DYNC2H1: variants seen among roughly 807,000 people sequenced by gnomAD.
The protein encoded by DYNC2H1 is dynein cytoplasmic 2 heavy chain 1, also known as cytoplasmic dynein 2 heavy chain 1.
Under a neutral mutation model 570.0 loss-of-function variants are expected in DYNC2H1, and 410 were observed. That is an observed-to-expected ratio of 0.72 (90% CI 0.66 to 0.78). The LOEUF is 0.78. DYNC2H1 is among the 30% of genes least tolerant of loss of function. The probability of loss-of-function intolerance (pLI) is 0.00; values close to 1 mark genes in which losing one functional copy is unlikely to be tolerated. For missense variants in DYNC2H1, 4,865 were observed against 5,046.4 expected, an observed-to-expected ratio of 0.96 and a Z score of 1.09; for synonymous variants, 1,688 against 1,677.6, an observed-to-expected ratio of 1.01 and a Z score of -0.15.
intron 59 of DYNC2H1, among the ~76,000 whole-genome samples, chr11:103,229,176 G>A (rs954784399): frequency 6.6e-6 from 1 of 152,230 alleles, no homozygotes; most frequent in African/African-American, 2.4e-5. Flanking sequence ...TGTTGAGAAA[G>A]CAAGCGGACT....
At chr11:103,352,753 A>G (rs933948407) in intron 82 of DYNC2H1, among the ~76,000 whole-genome samples, 2 of 152,202 alleles carry the variant, frequency 1.3e-5, no homozygotes, top group Non-Finnish European at 2.9e-5. Context: ...TTCCTCAAAG[A>G]TCTAGAACCA....
In DYNC2H1 at chr11:103,243,794, A is replaced by T. The variant is rs374882415; in HGVS notation, c.9918+3A>T. On this transcript the variant is annotated splice_donor_region_variant and intron_variant, in intron 64 of 88. Coordinates refer to ENST00000375735, the MANE Select transcript of DYNC2H1 (RefSeq NM_001377.3). The surrounding 1 kb of genome is among the most constrained non-coding windows in gnomAD (Gnocchi z 4.8). ...GTTTAGAAGTTATCAATCAGCAGGT[A>T]TGTATTATTTATAATTTACATACCA... 1 of 1,570,022 alleles carries T rather than the reference A, an allele frequency of 6.4e-7. No individual in the cohort carries two copies. The highest frequency in any genetic ancestry group is 8.7e-7 in the Non-Finnish European group (1 of 1,154,132).
At chr11:103,321,829 T>A (rs1938218997) in intron 81 of DYNC2H1, among the ~76,000 whole-genome samples, 1 of 152,106 alleles carries the variant, frequency 6.6e-6, no homozygotes. Context: ...TTTTGATTTA[T>A]TTTGCCATAA....
rs181164274 is a variant in DYNC2H1 at position 103,169,085 on chromosome 11, G to A, written c.4968+125G>A. 9.4e-4 allele frequency: 853 copies of A among 906,686 alleles called. 1 individual carries two copies. Among genetic ancestry groups the A allele is most frequent in the Non-Finnish European group, 1.2e-3 (769 of 637,530 alleles). The allele number at this position is 906,686 out of a possible 1,614,324, so 56.2% of individuals were successfully genotyped here. On this transcript the variant is annotated intron_variant, in intron 32 of 88. Transcript: ENST00000375735. Reference sequence around the variant, plus strand: ...TTTCCATAATATTTTTAGTATTATTGTCTTGTTTAATCAGAATTAGAAAGG... The same window carrying A: ...TTTCCATAATATTTTTAGTATTATTATCTTGTTTAATCAGAATTAGAAAGG...
chr11:103,420,938 G>T (rs1943465765), intron 84 of DYNC2H1, among the ~76,000 whole-genome samples: 1 of 152,198 alleles, frequency 6.6e-6, no homozygotes, highest in South Asian at 2.1e-4. Flanking sequence ...GTGGCAAGCT[G>T]TATGAAGAAC....
At chr11:103,152,385 T>C in intron 21 of DYNC2H1, 100 bp downstream of exon 21, 1 of 1,143,100 alleles carries the variant, frequency 8.7e-7, no homozygotes, top group Non-Finnish European at 1.2e-6. Context: ...TATAATAATT[T>C]AATGTGGCTG....
chr11:103,462,947 A>G (rs909452429), intron 87 of DYNC2H1, among the ~76,000 whole-genome samples: 1 of 152,344 alleles, frequency 6.6e-6, no homozygotes, highest in East Asian at 1.9e-4. Flanking sequence ...GTACAGCTTT[A>G]TGAATTTTCA....
chr11:103,304,292 G>T (rs531969747), intron 76 of DYNC2H1, among the ~76,000 whole-genome samples: 3 of 148,878 alleles, frequency 2.0e-5, no homozygotes, highest in Admixed American at 2.0e-4. Context: ...GTCAATCATA[G>T]TTAGAGTAGA....
chr11:103,344,567 T>A (rs1253514209), intron 82 of DYNC2H1, among the ~76,000 whole-genome samples: 1 of 152,232 alleles, frequency 6.6e-6, no homozygotes, highest in Non-Finnish European at 1.5e-5. Context: ...GGTATCTGAA[T>A]GGCTTAGTCT....
chr11:103,328,850 G>C (rs1938627726), intron 82 of DYNC2H1, among the ~76,000 whole-genome samples: 1 of 152,146 alleles, frequency 6.6e-6, no homozygotes, highest in Admixed American at 6.5e-5. Context: ...ATTACCGTAG[G>C]GATGTTACAT....
At chr11:103,123,432 T>C (rs1484743917) in intron 11 of DYNC2H1, among the ~76,000 whole-genome samples, 1 of 152,162 alleles carries the variant, frequency 6.6e-6, no homozygotes, top group Non-Finnish European at 1.5e-5. Context: ...CTTTGGTAAA[T>C]ATTTATTGAG....
intron 60 of DYNC2H1, among the ~76,000 whole-genome samples, chr11:103,232,829 C>T (rs1473484563): frequency 1.3e-5 from 2 of 151,898 alleles, no homozygotes; most frequent in African/African-American, 2.4e-5. Context: ...TGCAGCTTTC[C>T]ATTTCCAGGT....
chr11:103,358,190 C>A, intron 82 of DYNC2H1, 53 bp from the exon 83 acceptor site: 1 of 1,046,712 alleles, frequency 9.6e-7, no homozygotes, highest in Non-Finnish European at 1.4e-6. Context: ...TTCTTTCTTC[C>A]TGTTCGGCTG....
rs1859147451 is a variant in DYNC2H1 at position 103,129,277 on chromosome 11, G to T, written c.1953+272G>T. The stretch of plus-strand genomic sequence containing the variant: ...ATGATGTTATGTTCATTTATCCTCT[G>T]AAGTTTGAGGTCCTTATACACAAGC... On this transcript the variant is annotated intron_variant, in intron 13 of 88. Transcript: ENST00000375735. The surrounding 1 kb of genome is among the most constrained non-coding windows in gnomAD (Gnocchi z 4.1). 6.6e-6 allele frequency among the ~76,000 whole-genome samples: 1 copy of T among 152,188 alleles called. No homozygotes were observed. The highest frequency in any genetic ancestry group is 2.4e-5 in the African/African-American group (1 of 41,442).
chr11:103,288,880 C>CA (rs546404582), intron 75 of DYNC2H1, among the ~76,000 whole-genome samples: 1,711 of 80,026 alleles, frequency 0.021, 48 homozygotes, highest in African/African-American at 0.06. Flanking sequence ...GACTCAATCT[C>CA]AAAAAAAAAA....
Position 103,233,875 on chromosome 11 carries a change from TGTGG to T in DYNC2H1, c.9441-156_9441-153del, listed in dbSNP as rs61365579. Among the ~76,000 whole-genome samples, 18,973 of 88,406 alleles carry T rather than the reference TGTGG, an allele frequency of 0.21. 1,409 individuals carry two copies. Among genetic ancestry groups the T allele is most frequent in the African/African-American group, 0.24 (6,029 of 25,348 alleles). 58.0% of individuals were successfully genotyped at this position (88,406 alleles called of 152,430 possible). ...GTGTGTGTGTGTGTGTGTGTGTGTG[TGTGG>T]GTTTGTCTCTTCTATTAATGATACT... is the stretch of plus-strand genomic sequence containing the variant. On this transcript the variant is annotated intron_variant, in intron 60 of 88. Transcript: ENST00000375735.
chr11:103,248,978 G>A (rs1864728616), intron 65 of DYNC2H1, among the ~76,000 whole-genome samples: 1 of 152,030 alleles, frequency 6.6e-6, no homozygotes, highest in Non-Finnish European at 1.5e-5. Context: ...AGGACCCAGA[G>A]ACCAACTCTT....
chr11:103,440,705 C>T (rs181219894), intron 85 of DYNC2H1, among the ~76,000 whole-genome samples: 63 of 152,238 alleles, frequency 4.1e-4, no homozygotes, highest in South Asian at 6.2e-4. Flanking sequence ...AGCAGAAGTA[C>T]TACAATCTAG....
intron 84 of DYNC2H1, among the ~76,000 whole-genome samples, chr11:103,434,924 C>T (rs966417555): frequency 2.6e-5 from 4 of 152,072 alleles, no homozygotes; most frequent in African/African-American, 9.7e-5. Context: ...ATAGCCTAGA[C>T]TTGGAAACTG....
Sources: allele counts gnomAD v4.1 joint callset (sites outside exome capture counted in the v4.1 genomes callset), GRCh38; gene constraint gnomAD v4.1.1; non-coding constraint Gnocchi (gnomAD v3.1); transcripts MANE v1.5; gene names NCBI Gene and HGNC (gene_info 2026-07-23, HGNC 2026-07-21).